Variants in ADGRV1 observed in about 807,000 individuals in gnomAD.
ADGRV1 encodes adhesion G protein-coupled receptor V1, also known as G-protein coupled receptor 98.
Under a neutral mutation model 596.2 loss-of-function variants are expected in ADGRV1, and 359 were observed. The observed-to-expected ratio is 0.60, with a 90% CI of 0.55 to 0.66. The LOEUF (loss-of-function observed/expected upper bound fraction) is 0.66, where lower values mean the gene tolerates loss of function less well. Among genes scored for constraint, ADGRV1 ranks in the 30% least tolerant of loss-of-function variants. The pLI, the probability that ADGRV1 is intolerant of heterozygous loss-of-function variation, is 0.00. For synonymous variants in ADGRV1, 2,681 were observed against 2,679.2 expected (o/e 1.00, Z -0.02); for missense variants, 7,274 against 7,575.6 (o/e 0.96, Z 1.48).
chr5:90,756,741 C>G, intron 56 of ADGRV1, 111 bp downstream of exon 56: 1 of 931,540 alleles, frequency 1.1e-6, no homozygotes. Flanking sequence ...GATAAATAAC[C>G]AAATTTGTCT....
At chr5:90,902,593 G>A (rs773135590) in intron 83 of ADGRV1, among the ~76,000 whole-genome samples, 13 of 152,090 alleles carry the variant, frequency 8.5e-5, no homozygotes, top group Non-Finnish European at 7.4e-5. Flanking sequence ...TTGATTGTTA[G>A]CACCTAGAGG....
chr5:90,741,700 G>A (rs1561638383), intron 50 of ADGRV1, among the ~76,000 whole-genome samples: 1 of 152,112 alleles, frequency 6.6e-6, no homozygotes, highest in Non-Finnish European at 1.5e-5. Flanking sequence ...ACTTATTAAA[G>A]GACCCATTGT....
At chr5:90,613,485 A>C (rs1261775817) in intron 1 of ADGRV1, among the ~76,000 whole-genome samples, 1 of 151,826 alleles carries the variant, frequency 6.6e-6, no homozygotes, top group Non-Finnish European at 1.5e-5. Flanking sequence ...TTCCATGAAC[A>C]TTCCTGGGTT....
At chr5:90,742,067 T>G (rs972663143) in intron 50 of ADGRV1, among the ~76,000 whole-genome samples, 6 of 152,184 alleles carry the variant, frequency 3.9e-5, no homozygotes, top group African/African-American at 9.6e-5. Context: ...TAGATATTTT[T>G]AAGTGCAATT....
Position 90,676,091 on chromosome 5 carries a change from C to T in ADGRV1, c.5325C>T (p.Gly1775=). ...FSPEDYQNVA[G]TLEFQPGERY... The stretch of plus-strand genomic sequence containing the variant: ...CTTTTATATTTCAGAATGTTGCTGG[C>T]ACATTAGAATTTCAACCAGGAGAAA... The change falls in exon 25 of 90, where the codon GGC becomes GGT. Residue 1775 remains glycine (G), a synonymous_variant. Coordinates refer to ENST00000405460, the MANE Select transcript of ADGRV1 (RefSeq NM_032119.4). The T allele has an allele frequency of 6.3e-7, 1 of 1,597,222 alleles. No homozygotes were observed. The highest frequency in any genetic ancestry group is 2.3e-5 in the East Asian group (1 of 44,418).
intron 85 of ADGRV1, among the ~76,000 whole-genome samples, chr5:90,995,423 C>T (rs997328369): frequency 9.9e-5 from 15 of 152,142 alleles, no homozygotes; most frequent in Non-Finnish European, 1.8e-4. Context: ...GCTATTTTTC[C>T]AGGCTATATG....
intron 86 of ADGRV1, chr5:91,091,794 T>G (rs1429841987): frequency 6.6e-6 from 1 of 151,832 alleles, no homozygotes; most frequent in Non-Finnish European, 1.5e-5. Flanking sequence ...AGAAGAAAGG[T>G]GAAGCTAGCC....
chr5:91,056,251 C>T (rs1279493140), intron 85 of ADGRV1, among the ~76,000 whole-genome samples: 2 of 143,690 alleles, frequency 1.4e-5, no homozygotes, highest in African/African-American at 4.9e-5. Context: ...GCTGAGCATA[C>T]TTCTCAGAGG....
At chr5:90,782,334 A>C (rs1406709669) in intron 65 of ADGRV1, among the ~76,000 whole-genome samples, 1 of 152,252 alleles carries the variant, frequency 6.6e-6, no homozygotes. Flanking sequence ...GTGAACTTCA[A>C]TCTGTACCTG....
chr5:91,090,663 T>C (rs1392107159), intron 86 of ADGRV1, among the ~76,000 whole-genome samples: 1 of 151,962 alleles, frequency 6.6e-6, no homozygotes, highest in African/African-American at 2.4e-5. Context: ...TTCCAAATCA[T>C]GCTTGTATCC....
chr5:90,583,583 A>G (rs1486353792), intron 1 of ADGRV1, among the ~76,000 whole-genome samples: 1 of 152,278 alleles, frequency 6.6e-6, no homozygotes, highest in East Asian at 1.9e-4. Flanking sequence ...GAATGTAACC[A>G]TAGAATTAGG....
chr5:91,125,225 G>A (rs967749017), intron 87 of ADGRV1, among the ~76,000 whole-genome samples: 1 of 152,190 alleles, frequency 6.6e-6, no homozygotes, highest in Non-Finnish European at 1.5e-5. Context: ...CACAGAGGTT[G>A]ACATCCCCTA....
chr5:90,814,439 TG>T (rs1215445947), intron 74 of ADGRV1, among the ~76,000 whole-genome samples: 1 of 152,114 alleles, frequency 6.6e-6, no homozygotes, highest in African/African-American at 2.4e-5. Flanking sequence ...CATGATAATA[TG>T]GTTTGGCTCT....
At chr5:90,637,667 ATAT>A in intron 10 of ADGRV1, 55 bp from the exon 11 acceptor site, 2 of 1,216,092 alleles carry the variant, frequency 1.6e-6, no homozygotes, top group Non-Finnish European at 2.3e-6. Flanking sequence ...ACCAAAGCTT[ATAT>A]AATTTCTGAA....
At chr5:90,953,043 G>T (rs1053688023) in intron 83 of ADGRV1, among the ~76,000 whole-genome samples, 1 of 152,152 alleles carries the variant, frequency 6.6e-6, no homozygotes, top group Non-Finnish European at 1.5e-5. Context: ...TGGACCAAGT[G>T]TACGGGAACA....
chr5:90,834,926 TTCTTTC>T (rs1040389569), intron 77 of ADGRV1, among the ~76,000 whole-genome samples: 17 of 142,976 alleles, frequency 1.2e-4, no homozygotes, highest in African/African-American at 4.7e-4. Flanking sequence ...CTTTCCTTCT[TTCTTTC>T]TTTCTTTCTT....
intron 17 of ADGRV1, among the ~76,000 whole-genome samples, chr5:90,649,396 G>A (rs1768271443): frequency 1.3e-5 from 2 of 152,146 alleles, no homozygotes; most frequent in Admixed American, 1.3e-4. Context: ...ATATCACTGT[G>A]GTTAAGCTGT....
At position 90,821,006 on chromosome 5, in the gene ADGRV1, A is replaced by G. The variant is rs1581228554; in HGVS notation, c.16197-2419A>G. On this transcript the variant is annotated intron_variant, in intron 75 of 89. Transcript: ENST00000405460. ...AGTTCTCCTGGATAATATCCTGCAG[A>G]GTGTTTTCCACCTTGGTTCCATTCT... is the stretch of plus-strand genomic sequence containing the variant. 2.0e-5 allele frequency among the ~76,000 whole-genome samples: 3 copies of G among 152,072 alleles called. No individual in the cohort carries two copies. In the South Asian group the frequency reaches 6.3e-4, roughly 32 times the overall value.
At chr5:90,639,338 A>G (rs988651103) in intron 11 of ADGRV1, among the ~76,000 whole-genome samples, 2 of 152,178 alleles carry the variant, frequency 1.3e-5, no homozygotes, top group Non-Finnish European at 2.9e-5. Flanking sequence ...TGCTGTGGGA[A>G]TCTGTAGAAA....
Sources: gnomAD v4.1 joint callset for allele counts (sites outside exome capture counted in the v4.1 genomes callset) on GRCh38, gnomAD v4.1.1 for gene constraint, MANE v1.5 for transcripts, NCBI Gene and HGNC (gene_info 2026-07-23, HGNC 2026-07-21) for gene names.